The following ENOX2 variants were observed in gnomAD, a reference collection of about 807,000 sequenced individuals.
The protein encoded by ENOX2 is APK1 antigen.
Under a neutral mutation model 45.0 loss-of-function variants are expected in ENOX2, and 36 were observed. That is an observed-to-expected ratio of 0.80 (90% CI 0.61 to 1.06). The LOEUF (loss-of-function observed/expected upper bound fraction) is 1.06. ENOX2 is among the 50% of genes least tolerant of loss of function. The pLI, the probability that ENOX2 is intolerant of heterozygous loss-of-function variation, is 0.00. For synonymous variants in ENOX2, 174 were observed against 152.3 expected (o/e 1.14, Z -1.05); for missense variants, 423 against 462.5 (o/e 0.91, Z 0.78).
chrX:130,890,331 C>T (rs1197265842), intron 2 of ENOX2, among the ~76,000 whole-genome samples: 1 of 111,382 alleles, frequency 9.0e-6, no homozygotes, highest in Non-Finnish European at 1.9e-5. Context: ...TTTCCATTAT[C>T]CCGATTTCAA....
At chrX:130,779,544 T>C (rs1435235903) in intron 3 of ENOX2, among the ~76,000 whole-genome samples, 1 of 111,240 alleles carries the variant, frequency 9.0e-6, no homozygotes, top group African/African-American at 3.3e-5. Flanking sequence ...GTGCCTGTTC[T>C]AAGGATGTAA....
intron 3 of ENOX2, among the ~76,000 whole-genome samples, chrX:130,707,538 A>AC (rs752003118): frequency 4.5e-5 from 5 of 110,690 alleles, no homozygotes; most frequent in African/African-American, 1.3e-4. Context: ...ACACACACAC[A>AC]CACAGACACA....
intron 2 of ENOX2, among the ~76,000 whole-genome samples, chrX:130,855,466 C>A (rs1458912493): frequency 9.0e-6 from 1 of 111,566 alleles, no homozygotes; most frequent in Non-Finnish European, 1.9e-5. Flanking sequence ...ATACTGCACT[C>A]AAGGATTGGA....
At chrX:130,841,273 C>A (rs1038831795) in intron 2 of ENOX2, among the ~76,000 whole-genome samples, 15 of 112,051 alleles carry the variant, frequency 1.3e-4, no homozygotes, top group Middle Eastern at 4.6e-3. Context: ...AATAAGAAAA[C>A]CACAAAGAAG....
chrX:130,871,278 T>C (rs2078582993), intron 2 of ENOX2, among the ~76,000 whole-genome samples: 1 of 111,518 alleles, frequency 9.0e-6, no homozygotes. Flanking sequence ...TAAATCCAAA[T>C]ATATTGTTCT....
chrX:130,693,418 T>C (rs2037668275), intron 4 of ENOX2, among the ~76,000 whole-genome samples: 1 of 112,083 alleles, frequency 8.9e-6, no homozygotes, highest in South Asian at 3.7e-4. Flanking sequence ...TTATCCTTCA[T>C]TTTATGGATA....
intron 1 of ENOX2, among the ~76,000 whole-genome samples, chrX:130,902,815 C>CAA (rs763644761): frequency 1.6e-4 from 8 of 48,815 alleles, no homozygotes; most frequent in African/African-American, 3.1e-4. Flanking sequence ...CGAGTTGGAC[C>CAA]AAAAAAAAAA....
chrX:130,662,679 G>C (rs375545128), intron 9 of ENOX2, among the ~76,000 whole-genome samples: 2 of 110,209 alleles, frequency 1.8e-5, no homozygotes, highest in South Asian at 8.0e-4. Context: ...GTTTGCAGAG[G>C]TAAAAAAAAA....
chrX:130,632,032 A>G (rs906035227), intron 12 of ENOX2, among the ~76,000 whole-genome samples: 11 of 110,953 alleles, frequency 9.9e-5, no homozygotes, highest in Admixed American at 2.9e-4. Flanking sequence ...GTTTTTTTAA[A>G]AAAGTTTAAG....
At chrX:130,631,069 C>G (rs909503157) in intron 13 of ENOX2, among the ~76,000 whole-genome samples, 2 of 111,373 alleles carry the variant, frequency 1.8e-5, no homozygotes, top group Admixed American at 9.5e-5. Context: ...CTTGAGAGGC[C>G]TATAGTTGCT....
At chrX:130,847,748 T>C (rs1444196936) in intron 2 of ENOX2, among the ~76,000 whole-genome samples, 5 of 112,715 alleles carry the variant, frequency 4.4e-5, no homozygotes, top group Admixed American at 9.3e-5. Context: ...CTGACCATGA[T>C]ACAAACTATT....
chrX:130,688,234 A>G (rs1331575747), intron 5 of ENOX2, among the ~76,000 whole-genome samples: 1 of 112,437 alleles, frequency 8.9e-6, no homozygotes, highest in Non-Finnish European at 1.9e-5. Context: ...GGGCCACCCT[A>G]TCTTTACACA....
chrX:130,687,668 C>T (rs370845176), intron 5 of ENOX2, among the ~76,000 whole-genome samples: 1 of 112,470 alleles, frequency 8.9e-6, no homozygotes, highest in East Asian at 2.8e-4. Flanking sequence ...TCTCTCAATA[C>T]AGTCCTCTGA....
intron 3 of ENOX2, among the ~76,000 whole-genome samples, chrX:130,744,394 TCA>T (rs1475245243): frequency 1.8e-5 from 2 of 112,291 alleles, no homozygotes; most frequent in African/African-American, 6.5e-5. Flanking sequence ...GTTTATACAC[TCA>T]CACACACAGA....
chrX:130,789,004 A>G (rs1292256938), intron 2 of ENOX2, among the ~76,000 whole-genome samples: 1 of 106,993 alleles, frequency 9.3e-6, no homozygotes, highest in African/African-American at 3.4e-5. Context: ...GTTGAAATGC[A>G]GATTATCTGA....
intron 3 of ENOX2, among the ~76,000 whole-genome samples, chrX:130,760,761 G>A (rs1476643521): frequency 2.5e-5 from 2 of 80,718 alleles, no homozygotes; most frequent in African/African-American, 1.0e-4. Context: ...ACTCCAGCCT[G>A]GGTGACAGAG....
chrX:130,813,839 G>A (rs904532178), intron 2 of ENOX2, among the ~76,000 whole-genome samples: 2 of 111,985 alleles, frequency 1.8e-5, no homozygotes, highest in African/African-American at 6.5e-5. Context: ...GGCAGACACC[G>A]AACTAGCTGC....
intron 2 of ENOX2, among the ~76,000 whole-genome samples, chrX:130,822,253 T>C (rs1485971207): frequency 9.0e-6 from 1 of 111,168 alleles, no homozygotes; most frequent in Non-Finnish European, 1.9e-5. Flanking sequence ...AGATGGTCCT[T>C]GACATATGAT....
chrX:130,883,885 TGAAA>T (rs2078861096), intron 2 of ENOX2, among the ~76,000 whole-genome samples: 1 of 112,481 alleles, frequency 8.9e-6, no homozygotes, highest in African/African-American at 3.2e-5. Flanking sequence ...ATTTTGTAGA[TGAAA>T]GACTTTTTCT....
Sources: gnomAD v4.1 joint callset for allele counts (sites outside exome capture counted in the v4.1 genomes callset) on GRCh38, gnomAD v4.1.1 for gene constraint, MANE v1.5 for transcripts, NCBI Gene and HGNC (gene_info 2026-07-23, HGNC 2026-07-21) for gene names.